Variants in GALNS observed in about 807,000 individuals in gnomAD.
The protein encoded by GALNS is N-acetylgalactosamine-6-sulfatase.
A neutral mutation model predicts 65.9 loss-of-function variants in GALNS; 65 were observed. The observed-to-expected ratio is 0.99, with a 90% CI of 0.81 to 1.21. The LOEUF is 1.21. Ranked by LOEUF, GALNS falls within the 50% of genes most tolerant of loss-of-function variation. GALNS has a pLI of 0.00. For synonymous variants in GALNS, 346 were observed against 288.9 expected, an observed-to-expected ratio of 1.20 and a Z score of -2.00; for missense variants, 776 against 700.7, an observed-to-expected ratio of 1.11 and a Z score of -1.21.
At position 88,847,692 on chromosome 16, in the gene GALNS, T is replaced by C. The variant is rs532792301; in HGVS notation, c.121-4863A>G. Among the ~76,000 whole-genome samples, 36 of 152,276 alleles carry C rather than the reference T, an allele frequency of 2.4e-4. No homozygotes were observed. The South Asian group carries it at 6.8e-3, about 29-fold the overall frequency. ...GAGTCTGATCGCTGATTGTCTAAGG[T>C]TGATTTTTACCAAACAAAACAAAAC... On this transcript the variant is annotated intron_variant, in intron 1 of 13. Coordinates refer to ENST00000268695, the MANE Select transcript of GALNS (RefSeq NM_000512.5).
intron 13 of GALNS, chr16:88,815,816 T>A: frequency 1.0e-6 from 1 of 985,324 alleles, no homozygotes; most frequent in Non-Finnish European, 1.2e-6. Flanking sequence ...GCTCCCAAAC[T>A]CCAGGGGCAG....
In GALNS at chr16:88,837,791, C is replaced by T. The variant is rs1234204841; in HGVS notation, c.423-26G>A. 1.9e-6 allele frequency: 3 copies of T among 1,612,808 alleles called. No homozygotes were observed. The African/African-American group carries it at 4.0e-5, about 22-fold the overall frequency. On this transcript the variant is annotated intron_variant, in intron 4 of 13. Coordinates refer to ENST00000268695, the MANE Select transcript of GALNS (RefSeq NM_000512.5). ...CTGGAAACAGGAACCCAGGACACTTCAGGGACCCCACGTGGGGACACTCGG... is the reference window on the plus strand; with the variant it reads ...CTGGAAACAGGAACCCAGGACACTTTAGGGACCCCACGTGGGGACACTCGG...
chr16:88,842,668 C>G, intron 2 of GALNS, 38 bp downstream of exon 2: 2 of 1,608,570 alleles, frequency 1.2e-6, no homozygotes, highest in Non-Finnish European at 1.7e-6. Context: ...GCCTGTTGGG[C>G]TCACCCCTTC....
intron 13 of GALNS, chr16:88,816,321 G>C (rs1347460880): frequency 1.0e-6 from 1 of 985,316 alleles, no homozygotes; most frequent in African/African-American, 1.7e-5. Flanking sequence ...CACGGAGTGG[G>C]ATTGGGTGTG....
At chr16:88,832,143 TC>T in intron 8 of GALNS, 42 bp from the exon 9 acceptor site, 3 of 1,545,998 alleles carry the variant, frequency 1.9e-6, no homozygotes, top group Non-Finnish European at 2.7e-6. Flanking sequence ...GGACCAGATG[TC>T]CCCAGGCCCT....
At position 88,835,974 on chromosome 16, in the gene GALNS, G is replaced by A. The variant is rs113435087; in HGVS notation, c.634-125C>T. 7,777 of 1,459,328 alleles carry A rather than the reference G, an allele frequency of 5.3e-3. 346 individuals carry two copies. In the African/African-American group the frequency reaches 0.099, roughly 19 times the overall value. 90.4% of individuals were successfully genotyped at this position (1,459,328 alleles called of 1,614,324 possible). ...CGGTCCCCGTCCCCACGCGTCCCAC[G>A]GGGCAAGGTTGGTGCGGTCCCCGTC... On this transcript the variant is annotated intron_variant, in intron 6 of 13. Transcript: ENST00000268695.
chr16:88,843,557 A>G (rs917042269), intron 1 of GALNS: 4 of 242,222 alleles, frequency 1.7e-5, no homozygotes, highest in East Asian at 9.7e-5. Flanking sequence ...TGGGCCCTCA[A>G]TCCTATGACT....
At chr16:88,841,539 C>G (rs1966973013) in intron 3 of GALNS, among the ~76,000 whole-genome samples, 1 of 152,192 alleles carries the variant, frequency 6.6e-6, no homozygotes, top group African/African-American at 2.4e-5. Context: ...GGAGCCCATC[C>G]AAACCCCTCA....
rs1358507207 is a variant in GALNS, at chr16:88,816,758, C to T, written c.1482+1249G>A. 2.2e-5 allele frequency: 22 copies of T among 985,358 alleles called. No individual in the cohort carries two copies. In the South Asian group the frequency reaches 3.3e-4, roughly 15 times the overall value. 61.0% of individuals were successfully genotyped at this position (985,358 alleles called of 1,614,324 possible). A position where few individuals can be genotyped will look rare whatever the true frequency, so the allele number is the denominator to read the frequency against. On this transcript the variant is annotated intron_variant, in intron 13 of 13. Coordinates refer to ENST00000268695, the MANE Select transcript of GALNS (RefSeq NM_000512.5). The stretch of plus-strand genomic sequence containing the variant: ...CACGGCGGGCACCCAGCGGCTCCCA[C>T]GCTGCAGCCGGGTCTGGCCCTGGAA...
intron 2 of GALNS, chr16:88,842,398 C>G (rs1035223203): frequency 7.6e-6 from 4 of 529,390 alleles, no homozygotes; most frequent in Non-Finnish European, 1.4e-5. Flanking sequence ...TCCCAGGTAC[C>G]CTGAGACGGA....
At chr16:88,831,943 G>T in intron 9 of GALNS, 55 bp downstream of exon 9, 1 of 1,492,794 alleles carries the variant, frequency 6.7e-7, no homozygotes. Flanking sequence ...CACACACCCT[G>T]GGATGGCTGC....
At chr16:88,833,453 CCTTT>C (rs1911730971) in intron 8 of GALNS, among the ~76,000 whole-genome samples, 1 of 147,678 alleles carries the variant, frequency 6.8e-6, no homozygotes, top group Non-Finnish European at 1.5e-5. Context: ...TCTCCCATCC[CCTTT>C]TTTTTTTTTT....
At position 88,825,053 on chromosome 16, in the gene GALNS, G is replaced by T. The variant is rs145471472; in HGVS notation, c.1140-184C>A. 1.0e-2 allele frequency among the ~76,000 whole-genome samples: 1,292 copies of T among 129,652 alleles called. 38 individuals carry two copies. Among genetic ancestry groups the T allele is most frequent in the African/African-American group, 0.034 (1,174 of 34,144 alleles). The allele number at this position is 129,652 out of a possible 152,430, so 85.1% of individuals were successfully genotyped here. On this transcript the variant is annotated intron_variant, in intron 10 of 13. Transcript: ENST00000268695. ...TGGCTGGGGCTGGGGTGCCTGGGCG[G>T]CCGGGGCTGGAGCTCCTGGGTGGCC...
Position 88,842,780 on chromosome 16 carries a change from G to A in GALNS, c.170C>T (p.Pro57Leu), listed in dbSNP as rs148197417. ...GVYGEPSRET[P>L]NLDRMAAEGL... ...TTCTGCAGCCATCCGGTCCAAATTC[G>A]GGGTCTCTCTGGAGGGCTCTCCATA... Residue 57 changes from proline to leucine, a missense_variant, in exon 2 of 14, where the codon CCG (proline) becomes CTG (leucine). Pro to Leu is a moderately conservative substitution (Grantham distance 98). Transcript: ENST00000268695. The A allele has an allele frequency of 4.4e-5, 71 of 1,613,108 alleles. No individual in the cohort carries two copies. Among genetic ancestry groups the A allele is most frequent in the South Asian group, 1.1e-4 (10 of 90,910 alleles).
chr16:88,823,831 C>T (rs1003620065), intron 11 of GALNS, among the ~76,000 whole-genome samples: 5 of 148,448 alleles, frequency 3.4e-5, no homozygotes, highest in Non-Finnish European at 4.5e-5. Context: ...TGCCGGGGAC[C>T]GATGCCCAGG....
chr16:88,855,886 ACTGT>A, intron 1 of GALNS: 2 of 510,536 alleles, frequency 3.9e-6, no homozygotes, highest in Non-Finnish European at 7.1e-6. Context: ...ACGGCCCAAA[ACTGT>A]CTGGTACTCG....
chr16:88,843,078 C>T, intron 1 of GALNS: 2 of 1,509,496 alleles, frequency 1.3e-6, no homozygotes, highest in Non-Finnish European at 1.8e-6. Flanking sequence ...CACGGTCAGC[C>T]CACGCTGTCT....
intron 1 of GALNS, among the ~76,000 whole-genome samples, chr16:88,849,710 C>T (rs1157092826): frequency 3.9e-5 from 6 of 152,164 alleles, no homozygotes; most frequent in Admixed American, 3.9e-4. Context: ...AGGTGTGAGC[C>T]ACCACGCCCA....
chr16:88,815,611 C>T (rs1228648162), intron 13 of GALNS: 2 of 985,370 alleles, frequency 2.0e-6, no homozygotes, highest in Non-Finnish European at 2.4e-6. Flanking sequence ...GGTTCTGTGT[C>T]CCCATCCAGG....
Sources: gnomAD v4.1 joint callset for allele counts (sites outside exome capture counted in the v4.1 genomes callset) on GRCh38, gnomAD v4.1.1 for gene constraint, MANE v1.5 for transcripts, NCBI Gene and HGNC (gene_info 2026-07-23, HGNC 2026-07-21) for gene names.